The following DEFA6 variants were observed in gnomAD, a reference collection of about 807,000 sequenced individuals.
The protein encoded by DEFA6 is defensin alpha 6.
In DEFA6, 8 loss-of-function variants were observed where a neutral mutation model predicts 5.1. The observed-to-expected ratio is 1.57, with a 90% CI of 0.92 to 2.83. The LOEUF (loss-of-function observed/expected upper bound fraction) is 2.83, where lower values mean the gene tolerates loss of function less well. DEFA6 is among the 30% of genes most tolerant of loss of function. DEFA6 has a pLI of 0.00. For missense variants in DEFA6, 191 were observed against 119.1 expected, an observed-to-expected ratio of 1.60 and a Z score of -2.81; for synonymous variants, 74 against 45.3, an observed-to-expected ratio of 1.63 and a Z score of -2.54.
At chr8:6,925,817 A>C (rs771416339) in intron 1 of DEFA6, 26 bp downstream of exon 1, 3 of 1,586,778 alleles carry the variant, frequency 1.9e-6, no homozygotes, top group Admixed American at 1.7e-5. Flanking sequence ...CTACACTCCT[A>C]GCTCTGCAAT....
chr8:6,925,047 T>C (rs1808378849), intron 1 of DEFA6, 120 bp from the exon 2 acceptor site: 2 of 631,414 alleles, frequency 3.2e-6, no homozygotes, highest in Non-Finnish European at 5.7e-6. Flanking sequence ...TTACAGCCAA[T>C]AGCATGATCA....
At position 6,924,900 on chromosome 8, in the gene DEFA6, C is replaced by T; in HGVS notation, c.221G>A (p.Cys74Tyr). ...LGSTRAFTCH[C>Y]RRSCYSTEYS... ...TTCTGTTGAATAACAGGACCTTCTG[C>T]AATGGCAAGTGAAAGCCCTTGTTGA... Residue 74 changes from cysteine (C) to tyrosine (Y), a missense_variant, in exon 2 of 2, where the codon TGC (cysteine) becomes TAC (tyrosine). Cys to Tyr is a radical substitution (Grantham distance 194). Coordinates refer to ENST00000297436, the MANE Select transcript of DEFA6 (RefSeq NM_001926.4). 1 of 1,609,576 alleles carries T rather than the reference C, an allele frequency of 6.2e-7. No homozygotes were observed. The highest frequency in any genetic ancestry group is 8.5e-7 in the Non-Finnish European group (1 of 1,176,430).
In DEFA6 at chr8:6,924,766, C is replaced by G; in HGVS notation, c.*52G>C. Reference sequence around the variant, plus strand: ...CAATGTATAGGACACACGACAGTTTCCTTCTAGGTCATAAAGTAAATTATG... The same window carrying G: ...CAATGTATAGGACACACGACAGTTTGCTTCTAGGTCATAAAGTAAATTATG... On this transcript the variant is annotated 3_prime_UTR_variant, in exon 2 of 2. Transcript: ENST00000297436. The G allele has an allele frequency of 1.5e-6, 2 of 1,313,098 alleles. No homozygotes were observed. Among genetic ancestry groups the G allele is most frequent in the South Asian group, 2.7e-5 (2 of 74,214 alleles). The allele number at this position is 1,313,098 out of a possible 1,614,324, so 81.3% of individuals were successfully genotyped here.
chr8:6,925,037 T>A, intron 1 of DEFA6, 110 bp from the exon 2 acceptor site: 1 of 664,410 alleles, frequency 1.5e-6, no homozygotes, highest in Non-Finnish European at 2.7e-6. Context: ...GCTGGCTGCA[T>A]TACAGCCAAT....
chr8:6,925,172 A>C (rs1039554845), intron 1 of DEFA6, among the ~76,000 whole-genome samples: 1 of 152,194 alleles, frequency 6.6e-6, no homozygotes, highest in African/African-American at 2.4e-5. Context: ...ATCTGAATGC[A>C]CCCATATGAC....
chr8:6,925,180 G>A (rs1808388598), intron 1 of DEFA6, among the ~76,000 whole-genome samples: 1 of 152,164 alleles, frequency 6.6e-6, no homozygotes, highest in South Asian at 2.1e-4. Context: ...GCACCCATAT[G>A]ACTGTCTCCA....
rs750269444 is a variant in DEFA6 at position 6,925,899 on chromosome 8, T to G, written c.137A>C (p.Asp46Ala). The G allele has an allele frequency of 6.2e-7, 1 of 1,614,146 alleles. No individual in the cohort carries two copies. The highest frequency in any genetic ancestry group is 8.5e-7 in the Non-Finnish European group (1 of 1,180,036). Residue 46 changes from aspartate (D) to alanine (A), a missense_variant, in exon 1 of 2, where the codon GAC becomes GCC. Asp to Ala is a moderately radical substitution (Grantham distance 126). Coordinates refer to ENST00000297436, the MANE Select transcript of DEFA6 (RefSeq NM_001926.4). ...ADAQEQRGAN[D>A]QDFAVSFAED... ...TGCAAAGGAGACGGCAAAGTCCTGG[T>G]CATTTGCCCCACGCTGCTCCTGGGC...
chr8:6,924,905 G>A lies in DEFA6; in HGVS notation c.216C>T (p.Cys72=). ...TTGAATAACAGGACCTTCTGCAATG[G>A]CAAGTGAAAGCCCTTGTTGAGCCTG... ...RALGSTRAFT[C]HCRRSCYSTE... The change falls in exon 2 of 2, where the codon TGC becomes TGT. Residue 72 remains cysteine (C), a synonymous_variant. Coordinates refer to ENST00000297436, the MANE Select transcript of DEFA6 (RefSeq NM_001926.4). 2 of 1,608,918 alleles carry A rather than the reference G, an allele frequency of 1.2e-6. No homozygotes were observed. Among genetic ancestry groups the A allele is most frequent in the Non-Finnish European group, 1.7e-6 (2 of 1,175,934 alleles).
chr8:6,925,051 A>T, intron 1 of DEFA6, 124 bp from the exon 2 acceptor site: 1 of 624,910 alleles, frequency 1.6e-6, no homozygotes. Context: ...AGCCAATAGC[A>T]TGATCACACC....
chr8:6,925,020 A>C (rs377371973), intron 1 of DEFA6, 93 bp from the exon 2 acceptor site: 2 of 757,062 alleles, frequency 2.6e-6, no homozygotes, highest in East Asian at 2.5e-5. Context: ...GCTTGCTGAC[A>C]TGTAATGCTG....
chr8:6,925,007 C>T (rs948294752), intron 1 of DEFA6, 80 bp from the exon 2 acceptor site: 32 of 878,346 alleles, frequency 3.6e-5, no homozygotes, highest in African/African-American at 2.8e-4. Context: ...CAGGAAGTTG[C>T]ATGCTTGCTG....
chr8:6,925,970 G>T lies in DEFA6; in HGVS notation c.66C>A (p.Leu22=), dbSNP rs1808423341. The T allele has an allele frequency of 6.2e-7, 1 of 1,613,778 alleles. No individual in the cohort carries two copies. Among genetic ancestry groups the T allele is most frequent in the Non-Finnish European group, 8.5e-7 (1 of 1,179,946 alleles). ...CCTGCAGTGGATCATCCTCAGCTTGGAGTGGCTCAGCCTTGGCCTGGAGGG... is the reference window on the plus strand; with the variant it reads ...CCTGCAGTGGATCATCCTCAGCTTGTAGTGGCTCAGCCTTGGCCTGGAGGG... ...LVALQAKAEP[L]QAEDDPLQAK... Residue 22 remains leucine, a synonymous_variant, in exon 1 of 2, where the codon CTC becomes CTA. Coordinates refer to ENST00000297436, the MANE Select transcript of DEFA6 (RefSeq NM_001926.4).
chr8:6,925,793 C>A, intron 1 of DEFA6, 50 bp downstream of exon 1: 1 of 1,500,500 alleles, frequency 6.7e-7, no homozygotes, highest in Non-Finnish European at 8.9e-7. Flanking sequence ...TCTAGAAGTG[C>A]TTGGTTTTCC....
intron 1 of DEFA6, among the ~76,000 whole-genome samples, chr8:6,925,341 A>T (rs1378654622): frequency 6.9e-6 from 1 of 145,840 alleles, no homozygotes; most frequent in Non-Finnish European, 1.5e-5. Context: ...CAAGATGGTG[A>T]AACCCCGTCT....
At chr8:6,925,335 A>G (rs931662857) in intron 1 of DEFA6, among the ~76,000 whole-genome samples, 2 of 150,602 alleles carry the variant, frequency 1.3e-5, no homozygotes, top group East Asian at 4.0e-4. Context: ...CCTGGCCAAG[A>G]TGGTGAAACC....
chr8:6,925,619 G>A (rs1808404183), intron 1 of DEFA6, among the ~76,000 whole-genome samples: 1 of 152,118 alleles, frequency 6.6e-6, no homozygotes, highest in Non-Finnish European at 1.5e-5. Context: ...TTTCTACATG[G>A]CAAAAAATTA....
At position 6,925,832 on chromosome 8, in the gene DEFA6, G is replaced by C. The variant is rs368943025; in HGVS notation, c.193+11C>G. ...CTACACTCCTAGCTCTGCAATGCTG[G>C]TGTCTCTTACCCAAAGCTCTAAGAC... On this transcript the variant is annotated intron_variant, in intron 1 of 1. Transcript: ENST00000297436. 7 of 1,602,192 alleles carry C rather than the reference G, an allele frequency of 4.4e-6. No individual in the cohort carries two copies. Among genetic ancestry groups the C allele is most frequent in the East Asian group, 2.2e-5 (1 of 44,770 alleles).
At position 6,924,937 on chromosome 8, in the gene DEFA6, G is replaced by C. The variant is rs1293268668; in HGVS notation, c.194-10C>G. 2.7e-6 allele frequency: 4 copies of C among 1,482,118 alleles called. No homozygotes were observed. The highest frequency in any genetic ancestry group is 2.5e-5 in the South Asian group (2 of 81,546). 91.8% of individuals were successfully genotyped at this position (1,482,118 alleles called of 1,614,324 possible). A position where few individuals can be genotyped will look rare whatever the true frequency, so the allele number is the denominator to read the frequency against. On this transcript the variant is annotated splice_polypyrimidine_tract_variant and intron_variant, in intron 1 of 1. Transcript: ENST00000297436. ...AAAGCCCTTGTTGAGCCTGGGGACA[G>C]AGAGAGAGAGCATCAGAAATTGAGC...
Position 6,926,057 on chromosome 8 carries a change from G to C in DEFA6, c.-22C>G, listed in dbSNP as rs1257036123. The stretch of plus-strand genomic sequence containing the variant: ...TCATGGCTAGGGTCGCTGGAGGAGA[G>C]AGAGCAGGAGCAGATGTGTGGGGAG... On this transcript the variant is annotated 5_prime_UTR_variant, in exon 1 of 2. Coordinates refer to ENST00000297436, the MANE Select transcript of DEFA6 (RefSeq NM_001926.4). 1.9e-6 allele frequency: 3 copies of C among 1,588,590 alleles called. No homozygotes were observed. The highest frequency in any genetic ancestry group is 1.7e-6 in the Non-Finnish European group (2 of 1,168,708).
Sources: allele counts gnomAD v4.1 joint callset (sites outside exome capture counted in the v4.1 genomes callset), GRCh38; gene constraint gnomAD v4.1.1; transcripts MANE v1.5; gene names NCBI Gene and HGNC (gene_info 2026-07-23, HGNC 2026-07-21).